Variants in ZWINT observed in about 807,000 individuals in gnomAD.
ZWINT encodes outer kinetochore KNL1 complex subunit ZWINT.
ZWINT carries 41 observed loss-of-function variants against 41.5 expected under a neutral mutation model. The observed-to-expected ratio is 0.99, with a 90% CI of 0.77 to 1.28. The LOEUF (loss-of-function observed/expected upper bound fraction) is 1.28. Ranked by LOEUF, ZWINT falls within the 50% of genes most tolerant of loss-of-function variation. The pLI is 0.00. For synonymous variants in ZWINT, 132 were observed against 126.8 expected (o/e 1.04, Z -0.28); for missense variants, 369 against 329.7 (o/e 1.12, Z -0.92).
chr10:56,359,079 G>A, intron 5 of ZWINT, 132 bp from the exon 6 acceptor site: 1 of 1,110,860 alleles, frequency 9.0e-7, no homozygotes, highest in Non-Finnish European at 1.3e-6. Context: ...TTCACTTCAG[G>A]GTGGAGTAGG....
chr10:56,360,554 G>A (rs892937258), intron 1 of ZWINT, among the ~76,000 whole-genome samples, 171 bp from the exon 2 acceptor site: 2 of 152,216 alleles, frequency 1.3e-5, no homozygotes, highest in Admixed American at 6.5e-5. Flanking sequence ...CTGCAACCAG[G>A]AATGGCGTGC....
rs763641383 is a variant in ZWINT, at chr10:56,358,667, CT to C, written c.680del (p.Glu227GlyfsTer48). On this transcript the variant is annotated frameshift_variant, in exon 7 of 9. Coordinates refer to ENST00000373944, the MANE Select transcript of ZWINT (RefSeq NM_007057.4). LOFTEE classifies it high-confidence loss of function. ...YTLQGKLLFP[E>X]AEAEAENLPD... is the part of the protein sequence containing the mutation. Reference sequence around the variant, plus strand: ...GAAGATTCTCTGCCTCAGCCTCAGCCTCAGGGAACAACAGCTTACCCTGCAG... The same window carrying C: ...GAAGATTCTCTGCCTCAGCCTCAGCCCAGGGAACAACAGCTTACCCTGCAG... The C allele has an allele frequency of 6.2e-7, 1 of 1,614,068 alleles. No homozygotes were observed. Among genetic ancestry groups the C allele is most frequent in the South Asian group, 1.1e-5 (1 of 91,078 alleles).
chr10:56,360,510 CAG>C (rs1445434906), intron 1 of ZWINT, 127 bp from the exon 2 acceptor site: 1 of 794,858 alleles, frequency 1.3e-6, no homozygotes, highest in African/African-American at 1.7e-5. Flanking sequence ...TTGCCTTGAC[CAG>C]AGTTTACACA....
At chr10:56,360,243 C>T (rs1838294295) in intron 2 of ZWINT, 50 bp downstream of exon 2, 1 of 1,611,382 alleles carries the variant, frequency 6.2e-7, no homozygotes, top group East Asian at 2.2e-5. Context: ...GTAAGAGGAG[C>T]CAGGACCAGA....
chr10:56,358,300 G>A (rs1209163696), intron 8 of ZWINT, 77 bp downstream of exon 8: 5 of 1,194,902 alleles, frequency 4.2e-6, no homozygotes, highest in Non-Finnish European at 6.2e-6. Context: ...GAGCTCAGAT[G>A]CAGAGAGAGG....
chr10:56,358,822 C>A lies in ZWINT; in HGVS notation c.606G>T (p.Glu202Asp). ...GAACTTACCTCTGCAGCTTGTCCCG[C>A]TCCTGTTCTGCCTGCTGCTTCAGGT... ...LGNLKQQAEQ[E>D]RDKLQRYQTF... Residue 202 changes from glutamate (E) to aspartate (D), a missense_variant, in exon 6 of 9, where the codon GAG (glutamate) becomes GAT (aspartate). Transcript: ENST00000373944. 1 of 1,614,098 alleles carries A rather than the reference C, an allele frequency of 6.2e-7. No individual in the cohort carries two copies. The highest frequency in any genetic ancestry group is 8.5e-7 in the Non-Finnish European group (1 of 1,180,026).
intron 5 of ZWINT, 103 bp downstream of exon 5, chr10:56,359,373 A>T: frequency 9.5e-7 from 1 of 1,053,344 alleles, no homozygotes; most frequent in Non-Finnish European, 1.4e-6. Flanking sequence ...TTTATATTAT[A>T]GTGCCTCAAA....
At chr10:56,360,621 T>C (rs1838306302) in intron 1 of ZWINT, among the ~76,000 whole-genome samples, 1 of 152,146 alleles carries the variant, frequency 6.6e-6, no homozygotes, top group South Asian at 2.1e-4. Flanking sequence ...GGCTAGTGGA[T>C]AAGGAGTTTG....
rs1190209651 is a variant in ZWINT, at chr10:56,358,738, G to C, written c.624-14C>G. On this transcript the variant is annotated splice_polypyrimidine_tract_variant and intron_variant, in intron 6 of 8. Coordinates refer to ENST00000373944, the MANE Select transcript of ZWINT (RefSeq NM_007057.4). ...AAGGTCTGATACCTACAAAGAGGAG[G>C]TAAGTGTGAAGGAAAGGAATCTCAG... 1.2e-6 allele frequency: 2 copies of C among 1,614,032 alleles called. No homozygotes were observed. The highest frequency in any genetic ancestry group is 8.5e-7 in the Non-Finnish European group (1 of 1,179,974).
Position 56,358,908 on chromosome 10 carries a change from C to T in ZWINT, c.520G>A (p.Val174Met), listed in dbSNP as rs774809948. ...TGAGTCCCTGTCTTACGCTCCCTCA[C>T]CTCTGCAGAAACCTCCGCCAGATGC... The part of the protein sequence containing the change: ...LQHLAEVSAE[V>M]RERKTGTQQE... Residue 174 changes from valine (V) to methionine (M), a missense_variant, in exon 6 of 9, where the codon GTG (valine) becomes ATG (methionine). Val to Met is a conservative substitution (Grantham distance 21). Transcript: ENST00000373944. 5.6e-6 allele frequency: 9 copies of T among 1,614,048 alleles called. No individual in the cohort carries two copies. In the East Asian group the frequency reaches 1.3e-4, roughly 24 times the overall value.
Position 56,358,953 on chromosome 10 carries a change from A to G in ZWINT, c.481-6T>C. On this transcript the variant is annotated splice_region_variant and splice_polypyrimidine_tract_variant and intron_variant, in intron 5 of 8. Transcript: ENST00000373944. Reference sequence around the variant, plus strand: ...AGATGCTGCAGATGCTTCTCCTGCCAGGAGTGAGCATGCAGACATTATGCA... The same window carrying G: ...AGATGCTGCAGATGCTTCTCCTGCCGGGAGTGAGCATGCAGACATTATGCA... 1 of 1,613,954 alleles carries G rather than the reference A, an allele frequency of 6.2e-7. No homozygotes were observed. Among genetic ancestry groups the G allele is most frequent in the Non-Finnish European group, 8.5e-7 (1 of 1,179,930 alleles).
intron 4 of ZWINT, 70 bp downstream of exon 4, chr10:56,359,617 G>A: frequency 6.3e-7 from 1 of 1,598,880 alleles, no homozygotes; most frequent in Non-Finnish European, 8.5e-7. Context: ...GCACAACTCA[G>A]CTTGCTCACT....
At position 56,358,444 on chromosome 10, in the gene ZWINT, G is replaced by A. The variant is rs763101828; in HGVS notation, c.808C>T (p.Pro270Ser). 1.2e-6 allele frequency: 2 copies of A among 1,614,100 alleles called. No homozygotes were observed. Among genetic ancestry groups the A allele is most frequent in the African/African-American group, 1.3e-5 (1 of 75,004 alleles). ...GVSFKAVGLQPAGDVNLP is the reference protein window; with the variant it reads ...GVSFKAVGLQSAGDVNLP ...CATGGCAAATTTACATCTCCAGCAGGTTGTAGACCAACAGCCTTGGAGAAA... is the reference window on the plus strand; with the variant it reads ...CATGGCAAATTTACATCTCCAGCAGATTGTAGACCAACAGCCTTGGAGAAA... The change falls in exon 8 of 9, where the codon CCT becomes TCT. Residue 270 changes from proline to serine, a missense_variant. Pro to Ser is a moderately conservative substitution (Grantham distance 74). Transcript: ENST00000373944.
chr10:56,361,164 G>T (rs770495398), intron 1 of ZWINT, 32 bp downstream of exon 1: 1 of 1,612,078 alleles, frequency 6.2e-7, no homozygotes, highest in African/African-American at 1.3e-5. Flanking sequence ...CCCAGGCCCG[G>T]CCCCAGCTGC....
At chr10:56,360,422 G>A (rs750682491) in intron 1 of ZWINT, 39 bp from the exon 2 acceptor site, 2 of 1,555,084 alleles carry the variant, frequency 1.3e-6, no homozygotes, top group South Asian at 1.1e-5. Flanking sequence ...GCAGTTTCTT[G>A]TGGTGCTAGT....
rs1335911855 is a variant in ZWINT, at chr10:56,358,900, C to G, written c.528G>C (p.Glu176Asp). ...HLAEVSAEVRERKTGTQQELD... is the reference protein window; with the variant it reads ...HLAEVSAEVRDRKTGTQQELD... ...GCTCCTGCTGAGTCCCTGTCTTACG[C>G]TCCCTCACCTCTGCAGAAACCTCCG... The change falls in exon 6 of 9, where the codon GAG (glutamate) becomes GAC (aspartate). Residue 176 changes from glutamate to aspartate, a missense_variant. Transcript: ENST00000373944. The G allele has an allele frequency of 6.2e-7, 1 of 1,614,130 alleles. No homozygotes were observed. The highest frequency in any genetic ancestry group is 8.5e-7 in the Non-Finnish European group (1 of 1,180,018).
rs774191977 is a variant in ZWINT, at chr10:56,360,023, G to A, written c.251C>T (p.Thr84Met). 1.4e-5 allele frequency: 23 copies of A among 1,613,692 alleles called. No individual in the cohort carries two copies. The highest frequency in any genetic ancestry group is 1.8e-5 in the Non-Finnish European group (21 of 1,179,972). ...KGLDPLASED[T>M]SRQKAIAAKE... ...ACAATCCCCTGCCTACTCACGGCTC[G>A]TGTCTTCAGAAGCCAAGGGGTCGAG... Residue 84 changes from threonine (T) to methionine (M), a missense_variant, in exon 3 of 9, where the codon ACG (threonine) becomes ATG (methionine). Physicochemically the swap from Thr to Met is moderately conservative, Grantham distance 81. Transcript: ENST00000373944.
At position 56,357,428 on chromosome 10, in the gene ZWINT, A is replaced by G. The variant is rs1179049020; in HGVS notation, c.*799T>C. 1 of 152,226 alleles carries G rather than the reference A, an allele frequency of 6.6e-6. No homozygotes were observed. The highest frequency in any genetic ancestry group is 6.5e-5 in the Admixed American group (1 of 15,282). The allele number at this position is 152,226 out of a possible 1,614,324, so 9.4% of individuals were successfully genotyped here. On this transcript the variant is annotated 3_prime_UTR_variant, in exon 9 of 9. Transcript: ENST00000373944. Reference sequence around the variant, plus strand: ...AATTGAATGATTGTGAAAATAAAGGAAGTCAGAAGAAATGTATAACCTTAA... The same window carrying G: ...AATTGAATGATTGTGAAAATAAAGGGAGTCAGAAGAAATGTATAACCTTAA...
In ZWINT at chr10:56,359,855, T is replaced by C; in HGVS notation, c.257-2A>G. The C allele has an allele frequency of 6.2e-7, 1 of 1,614,006 alleles. No homozygotes were observed. The highest frequency in any genetic ancestry group is 8.5e-7 in the Non-Finnish European group (1 of 1,179,962). On this transcript the variant is annotated splice_acceptor_variant, in intron 3 of 8. Coordinates refer to ENST00000373944, the MANE Select transcript of ZWINT (RefSeq NM_007057.4). LOFTEE classifies it high-confidence loss of function. ...CCTTAGCTGCAATTGCCTTCTGTCC[T>C]GAGATGAGCCACCAGGAATGAGTAC... is the stretch of plus-strand genomic sequence containing the variant.
Sources: gnomAD v4.1 joint callset for allele counts (sites outside exome capture counted in the v4.1 genomes callset) on GRCh38, gnomAD v4.1.1 for gene constraint, MANE v1.5 for transcripts, NCBI Gene and HGNC (gene_info 2026-07-23, HGNC 2026-07-21) for gene names.